The following ITPA variants were observed in gnomAD, a reference collection of about 807,000 sequenced individuals.
ITPA encodes the protein inosine triphosphate pyrophosphatase.
A neutral mutation model predicts 29.6 loss-of-function variants in ITPA; 29 were observed. The ratio of observed to expected loss-of-function variants is 0.98; its 90% confidence interval spans 0.73 to 1.34. The LOEUF (loss-of-function observed/expected upper bound fraction) is 1.34. Ranked by LOEUF, ITPA falls within the 40% of genes most tolerant of loss-of-function variation. The probability of loss-of-function intolerance (pLI) is 0.00; values close to 1 mark genes in which losing one functional copy is unlikely to be tolerated. For synonymous variants in ITPA, 103 were observed against 99.3 expected (o/e 1.04, Z -0.22); for missense variants, 241 against 251.5 (o/e 0.96, Z 0.28).
At chr20:3,207,781 C>T (rs189780218), upstream of ITPA, among the ~76,000 whole-genome samples, 9 of 150,982 alleles carry the variant, frequency 6.0e-5, no homozygotes, top group Admixed American at 2.6e-4. Flanking sequence ...CATATCACGA[C>T]GTCAGGAGTT....
Position 3,213,325 on chromosome 20 carries a change from A to C in ITPA, c.131A>C (p.Glu44Ala). The C allele has an allele frequency of 1.2e-6, 2 of 1,614,022 alleles. No homozygotes were observed. The highest frequency in any genetic ancestry group is 1.7e-6 in the Non-Finnish European group (2 of 1,179,934). The part of the protein sequence containing the change: ...TLVAQKIDLP[E>A]YQGEPDEISI... The stretch of plus-strand genomic sequence containing the variant: ...TGTCTGTTTCCCTGATAAGTGCCGG[A>C]GTACCAGGGGGAGCCGGATGAGATT... The change falls in exon 3 of 8, where the codon GAG becomes GCG. Residue 44 changes from glutamate to alanine, a missense_variant. Glu to Ala is a moderately radical substitution (Grantham distance 107, BLOSUM62 -1). Coordinates refer to ENST00000380113, the MANE Select transcript of ITPA (RefSeq NM_033453.4).
chr20:3,207,137 G>A (rs2067076858), upstream of ITPA, among the ~76,000 whole-genome samples: 1 of 152,120 alleles, frequency 6.6e-6, no homozygotes, highest in Non-Finnish European at 1.5e-5. Context: ...CATCACCCAG[G>A]CTAGAGTACA....
At chr20:3,224,359 C>T (rs4510299), downstream of ITPA, among the ~76,000 whole-genome samples, 152,179 of 152,294 alleles carry the variant, frequency 1, 76,032 homozygotes, top group Middle Eastern at 1. Flanking sequence ...TGGAAGGGAC[C>T]TCTCCAGGTG....
chr20:3,218,014 T>C (rs2067353372), intron 5 of ITPA, among the ~76,000 whole-genome samples: 1 of 151,930 alleles, frequency 6.6e-6, no homozygotes, highest in Non-Finnish European at 1.5e-5. Context: ...GCCTCCCTTG[T>C]TCACACCATT....
intron 6 of ITPA, among the ~76,000 whole-genome samples, chr20:3,219,551 C>T (rs970651676): frequency 2.0e-5 from 3 of 151,570 alleles, no homozygotes; most frequent in African/African-American, 7.3e-5. Context: ...TCAAGAACAG[C>T]CTGGATAACA....
chr20:3,208,980 T>G, upstream of ITPA: 1 of 158,888 alleles, frequency 6.3e-6, no homozygotes. Flanking sequence ...GCTGGAGGGA[T>G]GAGGAAGTGA....
intron 4 of ITPA, among the ~76,000 whole-genome samples, chr20:3,214,896 G>A (rs1244337069): frequency 6.6e-6 from 1 of 150,440 alleles, no homozygotes; most frequent in African/African-American, 2.4e-5. Flanking sequence ...ATTTATTTTT[G>A]GTGTGTGAGA....
chr20:3,223,164 A>G (rs1056691809), intron 7 of ITPA, among the ~76,000 whole-genome samples: 1 of 152,162 alleles, frequency 6.6e-6, no homozygotes, highest in African/African-American at 2.4e-5. Context: ...ATGCTCATTC[A>G]TGGGGGTTTC....
At chr20:3,204,751 A>G (rs907289268), upstream of ITPA, 8 of 914,026 alleles carry the variant, frequency 8.8e-6, no homozygotes, top group African/African-American at 1.0e-4. Flanking sequence ...CACATCACAG[A>G]GAGGCTTTAA....
intron 7 of ITPA, among the ~76,000 whole-genome samples, chr20:3,222,818 A>G (rs2067499567): frequency 6.6e-6 from 1 of 152,198 alleles, no homozygotes; most frequent in South Asian, 2.1e-4. Flanking sequence ...AGACCCAGAA[A>G]CGGAATATTT....
At chr20:3,223,941 CGGGCAG>C, downstream of ITPA, 2 of 203,982 alleles carry the variant, frequency 9.8e-6, no homozygotes, top group East Asian at 2.5e-4. Context: ...GATGGGGACA[CGGGCAG>C]CACCGTGTGG....
At chr20:3,214,143 G>A (rs989344230) in intron 4 of ITPA, 85 bp downstream of exon 4, 3 of 1,118,250 alleles carry the variant, frequency 2.7e-6, no homozygotes, top group African/African-American at 1.5e-5. Flanking sequence ...GATACTGCAG[G>A]TCATTCCCTG....
At chr20:3,211,842 A>G (rs1019598634) in intron 1 of ITPA, among the ~76,000 whole-genome samples, 2 of 152,318 alleles carry the variant, frequency 1.3e-5, no homozygotes, top group South Asian at 4.1e-4. Context: ...GAGGAAACCT[A>G]TGGAATCTTT....
downstream of ITPA, among the ~76,000 whole-genome samples, chr20:3,225,943 C>T (rs1218613099): frequency 2.6e-5 from 4 of 152,134 alleles, no homozygotes; most frequent in Admixed American, 6.6e-5. Context: ...GCATGAGAAT[C>T]GCTTGAGCCC....
rs1023200994 is a variant in ITPA at position 3,209,734 on chromosome 20, C to G, written c.66+117C>G. ...CATGGAGAGAGAACAGAATTCAGCCCGGAAGAATGGGTCCTGACCCGGCTG... is the reference window on the plus strand; with the variant it reads ...CATGGAGAGAGAACAGAATTCAGCCGGGAAGAATGGGTCCTGACCCGGCTG... On this transcript the variant is annotated intron_variant, in intron 1 of 7. Transcript: ENST00000380113. The surrounding 1 kb of genome is among the most constrained non-coding windows in gnomAD (Gnocchi z 4.6). 1.2e-6 allele frequency: 1 copy of G among 829,088 alleles called. No individual in the cohort carries two copies. The highest frequency in any genetic ancestry group is 2.0e-6 in the Non-Finnish European group (1 of 511,478). 51.4% of individuals were successfully genotyped at this position (829,088 alleles called of 1,614,324 possible).
intron 5 of ITPA, among the ~76,000 whole-genome samples, chr20:3,217,722 G>T (rs1031167669): frequency 6.6e-6 from 1 of 152,118 alleles, no homozygotes; most frequent in African/African-American, 2.4e-5. Flanking sequence ...ACCCGCCTTG[G>T]CCTCCCAAAG....
chr20:3,221,956 G>C, intron 7 of ITPA, 39 bp downstream of exon 7: 2 of 1,596,380 alleles, frequency 1.3e-6, no homozygotes, highest in Non-Finnish European at 1.7e-6. Flanking sequence ...GTGTGGGGTT[G>C]GTACAGCCAT....
intron 5 of ITPA, among the ~76,000 whole-genome samples, chr20:3,217,799 A>G (rs982695405): frequency 3.3e-5 from 5 of 152,194 alleles, no homozygotes; most frequent in Admixed American, 2.6e-4. Flanking sequence ...AAAATTTAAA[A>G]ACTGTTAAAC....
chr20:3,208,308 T>G (rs2067098985), upstream of ITPA, among the ~76,000 whole-genome samples: 1 of 152,116 alleles, frequency 6.6e-6, no homozygotes. Context: ...CTAGGGACTC[T>G]GCATAATGGT....
Sources: gnomAD v4.1 joint callset for allele counts (sites outside exome capture counted in the v4.1 genomes callset) on GRCh38, gnomAD v4.1.1 for gene constraint, Gnocchi (gnomAD v3.1) non-coding constraint, MANE v1.5 for transcripts, NCBI Gene and HGNC (gene_info 2026-07-23, HGNC 2026-07-21) for gene names.